FGF12: variants seen among roughly 807,000 people sequenced by gnomAD.
FGF12 encodes the protein fibroblast growth factor 12B.
In FGF12, 14 loss-of-function variants were observed where a neutral mutation model predicts 23.6. The observed-to-expected ratio is 0.59, with a 90% CI of 0.39 to 0.93. The LOEUF (loss-of-function observed/expected upper bound fraction) is 0.93, where lower values mean the gene tolerates loss of function less well. FGF12 is among the 40% of genes least tolerant of loss of function. The probability of loss-of-function intolerance (pLI) is 0.00; values close to 1 mark genes in which losing one functional copy is unlikely to be tolerated. For synonymous variants in FGF12, 62 were observed against 77.3 expected, an observed-to-expected ratio of 0.80 and a Z score of 1.04; for missense variants, 175 against 217.8, an observed-to-expected ratio of 0.80 and a Z score of 1.24.
In FGF12 at chr3:192,335,471, G is replaced by T. The variant is rs752689335; in HGVS notation, c.125-7C>A. On this transcript the variant is annotated splice_polypyrimidine_tract_variant and splice_region_variant and intron_variant, in intron 3 of 5. Transcript: ENST00000445105. ...GGAATTAGATTGAAGAGAGCTGGGGGGAGAAAAAGAAGGGCGGAAAGGATC... is the reference window on the plus strand; with the variant it reads ...GGAATTAGATTGAAGAGAGCTGGGGTGAGAAAAAGAAGGGCGGAAAGGATC... 2.5e-6 allele frequency: 4 copies of T among 1,591,226 alleles called. No homozygotes were observed. The highest frequency in any genetic ancestry group is 1.1e-5 in the South Asian group (1 of 90,346).
At chr3:192,711,656 G>T (rs571019152) in intron 2 of FGF12, among the ~76,000 whole-genome samples, 4 of 151,998 alleles carry the variant, frequency 2.6e-5, no homozygotes, top group South Asian at 2.1e-4. Flanking sequence ...CCCCCAACCC[G>T]GTGCTCTCTG....
At chr3:192,342,494 G>C (rs903858171) in intron 3 of FGF12, among the ~76,000 whole-genome samples, 1 of 152,150 alleles carries the variant, frequency 6.6e-6, no homozygotes, top group Non-Finnish European at 1.5e-5. Flanking sequence ...TTGTCAGCAA[G>C]GCGTGGTGGC....
chr3:192,431,348 T>A (rs1016766459), intron 2 of FGF12, among the ~76,000 whole-genome samples: 1 of 152,140 alleles, frequency 6.6e-6, no homozygotes, highest in Non-Finnish European at 1.5e-5. Context: ...AAGGAGCTGA[T>A]TAGATCTTAG....
chr3:192,483,906 T>C (rs987418917), intron 2 of FGF12, among the ~76,000 whole-genome samples: 20 of 152,186 alleles, frequency 1.3e-4, no homozygotes, highest in African/African-American at 3.9e-4. Flanking sequence ...GGCGTATTGC[T>C]GTACATATGA....
intron 5 of FGF12, among the ~76,000 whole-genome samples, chr3:192,166,701 A>G (rs1715179609): frequency 1.3e-5 from 2 of 152,240 alleles, no homozygotes; most frequent in South Asian, 4.1e-4. Context: ...ACGTGCTTAG[A>G]ATAGCACCTG....
At chr3:192,298,786 C>G (rs1715184332) in intron 4 of FGF12, among the ~76,000 whole-genome samples, 1 of 152,096 alleles carries the variant, frequency 6.6e-6, no homozygotes, top group Non-Finnish European at 1.5e-5. Flanking sequence ...GTTCTACAGA[C>G]TTTACAAGAA....
At chr3:192,291,896 T>C (rs1420483861) in intron 4 of FGF12, among the ~76,000 whole-genome samples, 1 of 152,150 alleles carries the variant, frequency 6.6e-6, no homozygotes, top group Non-Finnish European at 1.5e-5. Context: ...TTTCCCAAAG[T>C]CCTCATAAAA....
intron 2 of FGF12, among the ~76,000 whole-genome samples, chr3:192,686,269 T>TG (rs1717728245): frequency 6.6e-6 from 1 of 152,102 alleles, no homozygotes. Flanking sequence ...AGCCAACTCT[T>TG]GCTCTGAACA....
chr3:192,610,422 T>A (rs1714508782), intron 2 of FGF12, among the ~76,000 whole-genome samples: 1 of 152,072 alleles, frequency 6.6e-6, no homozygotes, highest in Non-Finnish European at 1.5e-5. Context: ...TTCTCTCCAG[T>A]CTTGTTATAT....
intron 2 of FGF12, among the ~76,000 whole-genome samples, chr3:192,684,531 T>C (rs1037439148): frequency 2.0e-5 from 3 of 152,124 alleles, no homozygotes; most frequent in African/African-American, 7.2e-5. Flanking sequence ...TCAAGTAGAA[T>C]TGATCCCTGC....
intron 2 of FGF12, among the ~76,000 whole-genome samples, chr3:192,413,579 A>G (rs1331482362): frequency 2.0e-5 from 3 of 152,254 alleles, no homozygotes; most frequent in African/African-American, 7.2e-5. Flanking sequence ...CTAAAACAGG[A>G]AAACACACCT....
intron 5 of FGF12, among the ~76,000 whole-genome samples, chr3:192,146,043 C>T (rs1713680884): frequency 1.3e-5 from 2 of 152,188 alleles, no homozygotes; most frequent in South Asian, 4.1e-4. Flanking sequence ...GGTGATTTAG[C>T]TGGAACACTA....
chr3:192,580,377 C>A (rs1224308672), intron 2 of FGF12, among the ~76,000 whole-genome samples: 1 of 151,028 alleles, frequency 6.6e-6, no homozygotes, highest in East Asian at 1.9e-4. Flanking sequence ...GAGATGAAAA[C>A]TGCTTCAAGC....
intron 2 of FGF12, among the ~76,000 whole-genome samples, chr3:192,704,823 TTGC>T (rs1226326880): frequency 6.6e-6 from 1 of 152,266 alleles, no homozygotes; most frequent in Non-Finnish European, 1.5e-5. Flanking sequence ...TTTGTATAAC[TTGC>T]TGCAGCTTCT....
At chr3:192,206,635 C>T (rs1250491743) in intron 4 of FGF12, among the ~76,000 whole-genome samples, 1 of 152,120 alleles carries the variant, frequency 6.6e-6, no homozygotes, top group Non-Finnish European at 1.5e-5. Flanking sequence ...CATTTTGAAA[C>T]AAAACCCACT....
intron 3 of FGF12, among the ~76,000 whole-genome samples, chr3:192,349,728 A>G (rs1262569364): frequency 6.6e-6 from 1 of 152,102 alleles, no homozygotes; most frequent in African/African-American, 2.4e-5. Context: ...AATGGAAATA[A>G]TTTCCTTACT....
At chr3:192,394,922 C>T (rs1353614808) in intron 2 of FGF12, among the ~76,000 whole-genome samples, 2 of 152,162 alleles carry the variant, frequency 1.3e-5, no homozygotes, top group Non-Finnish European at 2.9e-5. Context: ...TGTATTTCCC[C>T]ATCACTTAGC....
intron 2 of FGF12, among the ~76,000 whole-genome samples, chr3:192,455,724 C>T (rs1469668330): frequency 3.9e-5 from 6 of 152,302 alleles, no homozygotes; most frequent in Non-Finnish European, 8.8e-5. Context: ...CATGCTTCTG[C>T]ATATTTAGAT....
Position 192,640,008 on chromosome 3 carries a change from T to TA in FGF12, c.13+87172dup, listed in dbSNP as rs1270619162. On this transcript the variant is annotated intron_variant, in intron 2 of 5. Coordinates refer to ENST00000445105, the MANE Select transcript of FGF12 (RefSeq NM_004113.6). ...GCCTAATCTCACTTATATGTAGAAT[T>TA]AAAAAAAAAAAGTGAAATATACAGA... 4.8e-3 allele frequency among the ~76,000 whole-genome samples: 689 copies of TA among 142,598 alleles called. 7 individuals carry two copies. Among genetic ancestry groups the TA allele is most frequent in the African/African-American group, 0.016 (607 of 38,840 alleles). The allele number at this position is 142,598 out of a possible 152,430, so 93.5% of individuals were successfully genotyped here.
Sources: allele counts gnomAD v4.1 joint callset (sites outside exome capture counted in the v4.1 genomes callset), GRCh38; gene constraint gnomAD v4.1.1; transcripts MANE v1.5; gene names NCBI Gene and HGNC (gene_info 2026-07-23, HGNC 2026-07-21).